The following ELMO1 variants were observed in gnomAD, a reference collection of about 807,000 sequenced individuals.
ELMO1 encodes the protein engulfment and cell motility protein 1.
In ELMO1, 26 loss-of-function variants were observed where a neutral mutation model predicts 98.9. That is an observed-to-expected ratio of 0.26 (90% CI 0.19 to 0.36). ELMO1 has a LOEUF of 0.36. ELMO1 is among the 10% of genes least tolerant of loss of function. The probability of loss-of-function intolerance (pLI) is 1.00; values close to 1 mark genes in which losing one functional copy is unlikely to be tolerated. For synonymous variants in ELMO1, 346 were observed against 346.0 expected, an observed-to-expected ratio of 1.00 and a Z score of 0.00; for missense variants, 627 against 935.2, an observed-to-expected ratio of 0.67 and a Z score of 4.30.
intron 11 of ELMO1, 31 bp downstream of exon 11, chr7:37,216,614 C>G (rs755266773): frequency 5.6e-6 from 9 of 1,613,364 alleles, no homozygotes; most frequent in African/African-American, 1.3e-5. Context: ...ACTCCTCCCC[C>G]ACAAAGAGGT....
intron 7 of ELMO1, among the ~76,000 whole-genome samples, chr7:37,236,781 A>G (rs1366889649): frequency 6.6e-6 from 1 of 152,104 alleles, no homozygotes; most frequent in Non-Finnish European, 1.5e-5. Flanking sequence ...GGATTCAATC[A>G]CCTCTTTCAA....
chr7:37,265,938 C>T (rs1266832142), intron 5 of ELMO1, among the ~76,000 whole-genome samples: 2 of 151,592 alleles, frequency 1.3e-5, no homozygotes, highest in East Asian at 2.0e-4. Flanking sequence ...TCAAAGAGCA[C>T]CACATGCTGA....
chr7:37,132,159 A>G (rs1394629320), intron 14 of ELMO1, among the ~76,000 whole-genome samples: 1 of 152,164 alleles, frequency 6.6e-6, no homozygotes, highest in Non-Finnish European at 1.5e-5. Flanking sequence ...CACTGACATC[A>G]CTAGATGATG....
At chr7:37,245,655 G>A (rs1794968434) in intron 6 of ELMO1, among the ~76,000 whole-genome samples, 1 of 152,110 alleles carries the variant, frequency 6.6e-6, no homozygotes, top group South Asian at 2.1e-4. Flanking sequence ...GCAGGCCTGA[G>A]CATAAATTGG....
At chr7:37,259,649 A>G (rs1342692331) in intron 5 of ELMO1, among the ~76,000 whole-genome samples, 1 of 152,240 alleles carries the variant, frequency 6.6e-6, no homozygotes, top group Non-Finnish European at 1.5e-5. Flanking sequence ...TAGAAACTGA[A>G]CAGGATGCGG....
At chr7:37,409,842 T>C (rs1803922548) in intron 1 of ELMO1, among the ~76,000 whole-genome samples, 2 of 152,198 alleles carry the variant, frequency 1.3e-5, no homozygotes, top group African/African-American at 2.4e-5. Flanking sequence ...ACCCTATTGC[T>C]AGATGGCAGG....
chr7:37,429,120 T>G (rs1470475780), intron 1 of ELMO1: 2 of 152,186 alleles, frequency 1.3e-5, no homozygotes, highest in African/African-American at 4.8e-5. Flanking sequence ...TTTGGAAGGA[T>G]TTGCAAAACA....
At chr7:36,939,501 A>C (rs1786838230) in intron 16 of ELMO1, among the ~76,000 whole-genome samples, 1 of 152,228 alleles carries the variant, frequency 6.6e-6, no homozygotes, top group Admixed American at 6.5e-5. Context: ...ACTTCCAGCA[A>C]GTCTACACAG....
chr7:37,049,143 T>C (rs78141812), intron 15 of ELMO1, among the ~76,000 whole-genome samples: 2,370 of 152,268 alleles, frequency 0.016, 71 homozygotes, highest in African/African-American at 0.054. Flanking sequence ...AATGTTTGTC[T>C]TGTTAAGGGA....
chr7:36,994,429 C>T (rs767955316), intron 16 of ELMO1, among the ~76,000 whole-genome samples: 4 of 152,230 alleles, frequency 2.6e-5, no homozygotes, highest in Non-Finnish European at 5.9e-5. Context: ...ACCAGGAATA[C>T]CATCTCTAGA....
At chr7:37,420,820 T>C (rs1362784336) in intron 1 of ELMO1, among the ~76,000 whole-genome samples, 1 of 152,232 alleles carries the variant, frequency 6.6e-6, no homozygotes, top group African/African-American at 2.4e-5. Context: ...AGCAAAGCCT[T>C]CCAAAACTTA....
intron 13 of ELMO1, among the ~76,000 whole-genome samples, chr7:37,164,493 C>T (rs1177995932): frequency 6.6e-6 from 1 of 152,192 alleles, no homozygotes; most frequent in African/African-American, 2.4e-5. Flanking sequence ...AATCTTTAAT[C>T]CATCTTGAAT....
intron 16 of ELMO1, among the ~76,000 whole-genome samples, chr7:36,907,194 A>G (rs1447552856): frequency 6.6e-6 from 1 of 152,198 alleles, no homozygotes; most frequent in East Asian, 1.9e-4. Context: ...GCCAGGGACG[A>G]ATCCCTGTGA....
Position 37,361,581 on chromosome 7 carries a change from C to T in ELMO1, c.-73-18818G>A, listed in dbSNP as rs76773570. Among the ~76,000 whole-genome samples, 343 of 152,280 alleles carry T rather than the reference C, an allele frequency of 2.3e-3. 4 individuals carry two copies. In the East Asian group the frequency reaches 0.031, roughly 14 times the overall value. On this transcript the variant is annotated intron_variant, in intron 1 of 21. Transcript: ENST00000310758. Reference sequence around the variant, plus strand: ...TACAGAAAATGTATACCAATCTCTACGCTAAATAAAAGAAGTCAGTTATAA... The same window carrying T: ...TACAGAAAATGTATACCAATCTCTATGCTAAATAAAAGAAGTCAGTTATAA...
chr7:36,938,344 T>TTGAACCACATGTGGGTGGG (rs1786728440), intron 16 of ELMO1, among the ~76,000 whole-genome samples: 1 of 152,240 alleles, frequency 6.6e-6, no homozygotes, highest in East Asian at 1.9e-4. Flanking sequence ...AAACCTGCTG[T>TTGAACCACATGTGGGTGGG]TGAACCACAT....
intron 14 of ELMO1, among the ~76,000 whole-genome samples, chr7:37,100,190 G>C (rs529632853): frequency 1.1e-3 from 161 of 152,270 alleles, no homozygotes; most frequent in Middle Eastern, 3.4e-3. Flanking sequence ...AGGGGACTTT[G>C]GTCAATTTCT....
intron 13 of ELMO1, among the ~76,000 whole-genome samples, chr7:37,179,519 C>T (rs1333640862): frequency 2.0e-5 from 3 of 152,066 alleles, no homozygotes; most frequent in African/African-American, 4.8e-5. Flanking sequence ...CCTTGTGATC[C>T]GCCTGCCTCG....
At chr7:37,043,680 C>T (rs1795647300) in intron 15 of ELMO1, among the ~76,000 whole-genome samples, 1 of 152,148 alleles carries the variant, frequency 6.6e-6, no homozygotes, top group Non-Finnish European at 1.5e-5. Flanking sequence ...AGAGTGTGAG[C>T]CAGAACATGA....
At chr7:37,208,867 TA>T (rs1792797902) in intron 13 of ELMO1, among the ~76,000 whole-genome samples, 1 of 151,940 alleles carries the variant, frequency 6.6e-6, no homozygotes, top group South Asian at 2.1e-4. Flanking sequence ...AATCAAAAAC[TA>T]AAAAAGAACC....
Sources: allele counts gnomAD v4.1 joint callset (sites outside exome capture counted in the v4.1 genomes callset), GRCh38; gene constraint gnomAD v4.1.1; transcripts MANE v1.5; gene names NCBI Gene and HGNC (gene_info 2026-07-23, HGNC 2026-07-21).